The following GATA3 variants were observed in gnomAD, a reference collection of about 807,000 sequenced individuals.
GATA3 encodes the protein trans-acting T-cell-specific transcription factor GATA-3.
Under a neutral mutation model 36.0 loss-of-function variants are expected in GATA3, and 6 were observed. That is an observed-to-expected ratio of 0.17 (90% confidence interval 0.09 to 0.33). The LOEUF is 0.33. Ranked by LOEUF, GATA3 falls within the 10% of genes least tolerant of loss-of-function variation. The pLI, the probability that GATA3 is intolerant of heterozygous loss-of-function variation, is 1.00. For synonymous variants in GATA3, 326 were observed against 273.0 expected, an observed-to-expected ratio of 1.19 and a Z score of -1.92; for missense variants, 514 against 610.1, an observed-to-expected ratio of 0.84 and a Z score of 1.66.
intron 4 of GATA3, among the ~76,000 whole-genome samples, chr10:8,068,950 G>C (rs1832888156): frequency 6.6e-6 from 1 of 152,224 alleles, no homozygotes; most frequent in Admixed American, 6.5e-5. Flanking sequence ...TTGCGATCCA[G>C]AGTGTTTTTG....
At chr10:8,058,255 G>A (rs781694185) in intron 2 of GATA3, 50 bp from the exon 3 acceptor site, 2 of 1,601,692 alleles carry the variant, frequency 1.2e-6, no homozygotes, top group Non-Finnish European at 1.7e-6. Context: ...GCCTCCCAGG[G>A]CCACACTCAC....
In GATA3 at chr10:8,055,036, C is replaced by G. The variant is rs1351160487; in HGVS notation, c.-370+145C>G. On this transcript the variant is annotated intron_variant, in intron 1 of 5. Coordinates refer to ENST00000379328, the MANE Select transcript of GATA3 (RefSeq NM_001002295.2). The surrounding 1 kb of genome is among the most constrained non-coding windows in gnomAD (Gnocchi z 5.4). ...GAGGACGGTCCCGGGACCGGTGTCCCCGAGGGAGGGACTTGCCCTCCAAGT... is the reference window on the plus strand; with the variant it reads ...GAGGACGGTCCCGGGACCGGTGTCCGCGAGGGAGGGACTTGCCCTCCAAGT... 3 of 180,166 alleles carry G rather than the reference C, an allele frequency of 1.7e-5. No individual in the cohort carries two copies. Among genetic ancestry groups the G allele is most frequent in the Non-Finnish European group, 3.6e-5 (3 of 84,500 alleles). 11.2% of individuals were successfully genotyped at this position (180,166 alleles called of 1,614,324 possible).
chr10:8,069,727 C>A, intron 5 of GATA3, 129 bp downstream of exon 5: 1 of 1,132,588 alleles, frequency 8.8e-7, no homozygotes, highest in Non-Finnish European at 1.3e-6. Flanking sequence ...ATAATTGATG[C>A]AATAGGACCT....
chr10:8,058,439 TC>T lies in GATA3; in HGVS notation c.380del (p.Pro127ArgfsTer68). ...PFSKTSIHHG[S>X]PGPLSVYPPA... Reference sequence around the variant, plus strand: ...CTCCAAGACGTCCATCCACCACGGCTCCCCGGGGCCCCTCTCCGTCTACCCC... The same window carrying T: ...CTCCAAGACGTCCATCCACCACGGCTCCCGGGGCCCCTCTCCGTCTACCCC... On this transcript the variant is annotated frameshift_variant, in exon 3 of 6. Transcript: ENST00000379328. LOFTEE classifies it high-confidence loss of function. 1 of 1,612,602 alleles carries T rather than the reference TC, an allele frequency of 6.2e-7. No homozygotes were observed.
At chr10:8,057,124 T>C (rs1412469217) in intron 2 of GATA3, among the ~76,000 whole-genome samples, 6 of 152,200 alleles carry the variant, frequency 3.9e-5, no homozygotes, top group African/African-American at 1.2e-4. Context: ...CTTAATATTA[T>C]TTACTATACT....
Position 8,058,846 on chromosome 10 carries a change from G to T in GATA3, c.778+5G>T, listed in dbSNP as rs373733889. ...CCAAGGCCCGGTCCAGCACAGGTAG[G>T]AGCCAGCTCTTCCCTGGAGCCTTTT... On this transcript the variant is annotated splice_donor_5th_base_variant and intron_variant, in intron 3 of 5. Transcript: ENST00000379328. The T allele has an allele frequency of 2.1e-5, 34 of 1,601,700 alleles. No homozygotes were observed. The highest frequency in any genetic ancestry group is 2.6e-5 in the Non-Finnish European group (31 of 1,179,852).
At chr10:8,070,123 G>GA (rs1162802311) in intron 5 of GATA3, among the ~76,000 whole-genome samples, 1 of 152,088 alleles carries the variant, frequency 6.6e-6, no homozygotes, top group Non-Finnish European at 1.5e-5. Flanking sequence ...AAAAGACATG[G>GA]AAAAAAATGT....
upstream of GATA3, among the ~76,000 whole-genome samples, chr10:8,051,877 C>T (rs1832502812): frequency 6.6e-6 from 1 of 152,186 alleles, no homozygotes; most frequent in Non-Finnish European, 1.5e-5. Context: ...TCAGGCCACG[C>T]GCCGCAGCCT....
upstream of GATA3, chr10:8,053,776 G>A (rs1832561343): frequency 1.3e-5 from 2 of 152,302 alleles, no homozygotes; most frequent in African/African-American, 2.4e-5. The surrounding 1 kb of genome is among the most constrained non-coding windows in gnomAD (Gnocchi z 5.1). Flanking sequence ...GCCGGGAGCC[G>A]GAGTAAGTAG....
chr10:8,073,605 A>G (rs1832965343), intron 5 of GATA3, 134 bp from the exon 6 acceptor site: 1 of 955,052 alleles, frequency 1.0e-6, no homozygotes, highest in East Asian at 2.6e-5. Flanking sequence ...GGGAGGGAGG[A>G]AGGGGCCAGC....
intron 1 of GATA3, among the ~76,000 whole-genome samples, chr10:8,046,819 G>T (rs1263088056): frequency 6.6e-6 from 1 of 152,090 alleles, no homozygotes; most frequent in African/African-American, 2.4e-5. Context: ...CGCATAGGGG[G>T]TCTGATTATG....
chr10:8,050,411 T>C (rs1832454626), upstream of GATA3: 1 of 152,280 alleles, frequency 6.6e-6, no homozygotes, highest in Non-Finnish European at 1.5e-5. Context: ...CCTCGACACC[T>C]TTGGCCTCCA....
upstream of GATA3, among the ~76,000 whole-genome samples, chr10:8,049,052 G>C (rs975385276): frequency 2.6e-5 from 4 of 151,350 alleles, no homozygotes; most frequent in East Asian, 5.8e-4. Context: ...TTCCTTCCGA[G>C]TTTTAAACGG....
At chr10:8,065,700 G>GTT (rs748515966) in intron 4 of GATA3, among the ~76,000 whole-genome samples, 860 of 62,246 alleles carry the variant, frequency 0.014, 15 homozygotes, top group East Asian at 0.023. Context: ...CAGCAGTTTG[G>GTT]TTTTTTTTTT....
chr10:8,056,709 G>C (rs1832645601), intron 2 of GATA3, among the ~76,000 whole-genome samples: 1 of 152,036 alleles, frequency 6.6e-6, no homozygotes, highest in African/African-American at 2.4e-5. Flanking sequence ...CTAAGATGTA[G>C]GATACACCCC....
chr10:8,051,672 G>T (rs1264539238), upstream of GATA3: 1 of 152,686 alleles, frequency 6.5e-6, no homozygotes, highest in Non-Finnish European at 1.5e-5. Context: ...AGGCTTCTCC[G>T]CAGGAGGCCA....
At chr10:8,069,696 G>C (rs1365541663) in intron 5 of GATA3, 98 bp downstream of exon 5, 1 of 1,394,670 alleles carries the variant, frequency 7.2e-7, no homozygotes, top group Non-Finnish European at 1.0e-6. Context: ...GCTCACCATG[G>C]GGGCAGATGA....
chr10:8,058,232 G>C, intron 2 of GATA3, 73 bp from the exon 3 acceptor site: 9 of 1,515,536 alleles, frequency 5.9e-6, no homozygotes, highest in South Asian at 3.4e-5. Context: ...AGATTCCCCA[G>C]GTGTCCCTGA....
At chr10:8,062,358 C>T (rs911037761) in intron 3 of GATA3, among the ~76,000 whole-genome samples, 1 of 126,618 alleles carries the variant, frequency 7.9e-6, no homozygotes, top group African/African-American at 2.9e-5. Flanking sequence ...CTCTTACATC[C>T]TCATTTTTTT....
Sources: gnomAD v4.1 joint callset for allele counts (sites outside exome capture counted in the v4.1 genomes callset) on GRCh38, gnomAD v4.1.1 for gene constraint, Gnocchi (gnomAD v3.1) non-coding constraint, MANE v1.5 for transcripts, NCBI Gene and HGNC (gene_info 2026-07-23, HGNC 2026-07-21) for gene names.